The following ZNF727 variants were observed in gnomAD, a reference collection of about 807,000 sequenced individuals.
The protein encoded by ZNF727 is putative zinc finger protein 727.
ZNF727 carries 11 observed loss-of-function variants against 11.5 expected under a neutral mutation model. The ratio of observed to expected loss-of-function variants is 0.95; its 90% confidence interval spans 0.60 to 1.58. The LOEUF is 1.58. ZNF727 is among the 40% of genes most tolerant of loss of function. The pLI is 0.00. For synonymous variants in ZNF727, 171 were observed against 196.1 expected, an observed-to-expected ratio of 0.87 and a Z score of 1.07; for missense variants, 533 against 581.7, an observed-to-expected ratio of 0.92 and a Z score of 0.86.
chr7:64,064,694 A>G (rs1789835351), intron 1 of ZNF727, among the ~76,000 whole-genome samples: 3 of 152,140 alleles, frequency 2.0e-5, no homozygotes, highest in Admixed American at 2.0e-4. Flanking sequence ...GCTTTAGCCC[A>G]TGTGATGCGG....
chr7:64,069,940 G>A (rs1789934365), intron 3 of ZNF727, among the ~76,000 whole-genome samples: 1 of 151,726 alleles, frequency 6.6e-6, no homozygotes, highest in Non-Finnish European at 1.5e-5. Flanking sequence ...TCCATTGCTT[G>A]GGGGAAACAG....
At chr7:64,070,932 T>C (rs143527383) in intron 3 of ZNF727, among the ~76,000 whole-genome samples, 139 of 152,202 alleles carry the variant, frequency 9.1e-4, no homozygotes, top group Non-Finnish European at 1.7e-3. Context: ...TCCACCCATG[T>C]TGTAGAATGT....
intron 1 of ZNF727, among the ~76,000 whole-genome samples, chr7:64,055,207 A>G (rs2116279405): frequency 6.6e-6 from 1 of 152,260 alleles, no homozygotes; most frequent in South Asian, 2.1e-4. Context: ...TCACAAGGTC[A>G]GGAGTTTGAG....
chr7:64,051,229 AAC>A (rs1475996338), intron 1 of ZNF727, among the ~76,000 whole-genome samples: 2 of 152,228 alleles, frequency 1.3e-5, no homozygotes, highest in African/African-American at 2.4e-5. Flanking sequence ...ACTAAAAACC[AAC>A]ACATTCATGA....
Position 64,077,811 on chromosome 7 carries a change from A to T in ZNF727, c.762A>T (p.Arg254Ser). Residue 254 changes from arginine to serine, a missense_variant, in exon 4 of 4, where the codon AGA (arginine) becomes AGT (serine). Physicochemically the swap from Arg to Ser is moderately radical, Grantham distance 110. Coordinates refer to ENST00000456806, the MANE Select transcript of ZNF727 (RefSeq NM_001159522.3). ...TKHKRNHTGD[R>S]PYKCEECHKA... ...ACAAGAGAAATCATACTGGAGACAG[A>T]CCCTACAAATGCGAAGAATGTCACA... 2 of 1,570,124 alleles carry T rather than the reference A, an allele frequency of 1.3e-6. No homozygotes were observed.
At chr7:64,049,872 A>G (rs1242178168) in intron 1 of ZNF727, among the ~76,000 whole-genome samples, 1 of 151,514 alleles carries the variant, frequency 6.6e-6, no homozygotes, top group Non-Finnish European at 1.5e-5. Flanking sequence ...ACACATTACA[A>G]AACAATTAGT....
chr7:64,067,220 G>C (rs753309010), intron 1 of ZNF727, among the ~76,000 whole-genome samples: 4 of 152,136 alleles, frequency 2.6e-5, no homozygotes, highest in Non-Finnish European at 4.4e-5. Context: ...CAGTTAGAAT[G>C]GTGATTATTA....
In ZNF727 at chr7:64,079,189, G is replaced by T. The variant is rs374213801; in HGVS notation, c.*640G>T. On this transcript the variant is annotated 3_prime_UTR_variant, in exon 4 of 4. Transcript: ENST00000456806. ...AAGAATGTGGCAAAGTATTGAGCTC[G>T]TTCTCACACGTCATTAGACATAAGA... Among the ~76,000 whole-genome samples, 27 of 152,306 alleles carry T rather than the reference G, an allele frequency of 1.8e-4. No homozygotes were observed. Among genetic ancestry groups the T allele is most frequent in the African/African-American group, 6.5e-4 (27 of 41,572 alleles).
intron 1 of ZNF727, among the ~76,000 whole-genome samples, chr7:64,052,643 T>C: frequency 6.6e-6 from 1 of 152,132 alleles, no homozygotes; most frequent in East Asian, 1.9e-4. Context: ...GACCCCAGAA[T>C]GGCAAATCCA....
At chr7:64,071,169 T>G (rs554984852) in intron 3 of ZNF727, among the ~76,000 whole-genome samples, 3 of 152,024 alleles carry the variant, frequency 2.0e-5, no homozygotes, top group Admixed American at 2.0e-4. Context: ...CTATTAAAAA[T>G]TTTTTTAAAG....
At position 64,078,383 on chromosome 7, in the gene ZNF727, T is replaced by C. The variant is rs1785725210; in HGVS notation, c.1334T>C (p.Ile445Thr). 4 of 1,591,156 alleles carry C rather than the reference T, an allele frequency of 2.5e-6. No homozygotes were observed. In the South Asian group the frequency reaches 3.4e-5, roughly 14 times the overall value. Residue 445 changes from isoleucine to threonine, a missense_variant, in exon 4 of 4, where the codon ATT (isoleucine) becomes ACT (threonine). Around this residue, in one of 3 missense-constraint regions of ZNF727, gnomAD observed 16 missense variants for 38.6 expected, o/e 0.41. Coordinates refer to ENST00000456806, the MANE Select transcript of ZNF727 (RefSeq NM_001159522.3). Reference sequence around the variant, plus strand: ...CCAGACCTGACTAATCATAAGAGAATTCACACTGGAGAGAAGCCCTACAAA... The same window carrying C: ...CCAGACCTGACTAATCATAAGAGAACTCACACTGGAGAGAAGCCCTACAAA... ...WFPDLTNHKR[I>T]HTGEKPYKCE...
At chr7:64,051,564 A>G (rs1243053389) in intron 1 of ZNF727, among the ~76,000 whole-genome samples, 4 of 152,196 alleles carry the variant, frequency 2.6e-5, no homozygotes, top group Non-Finnish European at 2.9e-5. Flanking sequence ...TTAATTAATT[A>G]TTATGTGGGT....
intron 3 of ZNF727, among the ~76,000 whole-genome samples, chr7:64,073,916 T>C (rs1267947562): frequency 6.6e-6 from 1 of 152,218 alleles, no homozygotes; most frequent in East Asian, 1.9e-4. Context: ...TCCATCATTT[T>C]CATATTAAGG....
At chr7:64,045,681 G>T in intron 1 of ZNF727, 57 bp downstream of exon 1, 1 of 1,551,886 alleles carries the variant, frequency 6.4e-7, no homozygotes, top group Non-Finnish European at 8.7e-7. Context: ...GAATCCGGTC[G>T]GAACTGGCTG....
At chr7:64,063,138 G>A (rs191741454) in intron 1 of ZNF727, among the ~76,000 whole-genome samples, 62 of 152,076 alleles carry the variant, frequency 4.1e-4, no homozygotes, top group Non-Finnish European at 2.6e-4. Context: ...AGTTTTATGA[G>A]GTTGCGTTTT....
At chr7:64,066,768 A>G (rs1193827637) in intron 1 of ZNF727, among the ~76,000 whole-genome samples, 1 of 152,202 alleles carries the variant, frequency 6.6e-6, no homozygotes, top group African/African-American at 2.4e-5. Flanking sequence ...TAAAACACCA[A>G]AAGCAATAAC....
At chr7:64,046,790 A>G (rs1344408966) in intron 1 of ZNF727, among the ~76,000 whole-genome samples, 1 of 152,232 alleles carries the variant, frequency 6.6e-6, no homozygotes, top group Non-Finnish European at 1.5e-5. Flanking sequence ...ATATCCAACT[A>G]TGGTTTGGGG....
intron 3 of ZNF727, among the ~76,000 whole-genome samples, chr7:64,074,825 A>C (rs956746796): frequency 2.0e-4 from 31 of 152,300 alleles, no homozygotes; most frequent in African/African-American, 7.2e-4. Flanking sequence ...GCATGAAAAC[A>C]CTAATACCAT....
chr7:64,074,937 G>A (rs958583343), intron 3 of ZNF727, among the ~76,000 whole-genome samples: 19 of 152,068 alleles, frequency 1.2e-4, no homozygotes, highest in Admixed American at 2.6e-4. Context: ...TACTAGGGCT[G>A]TGTCCTATAT....
Sources: gnomAD v4.1 joint callset for allele counts (sites outside exome capture counted in the v4.1 genomes callset) on GRCh38, gnomAD v4.1.1 for gene constraint, gnomAD v4.1.1 regional missense constraint, MANE v1.5 for transcripts, NCBI Gene and HGNC (gene_info 2026-07-23, HGNC 2026-07-21) for gene names.